MGA: variants seen among roughly 807,000 people sequenced by gnomAD.
MGA encodes MAX dimerization protein MGA, also known as MAX gene-associated protein.
A neutral mutation model predicts 261.1 loss-of-function variants in MGA; 40 were observed. That is an observed-to-expected ratio of 0.15 (90% confidence interval 0.12 to 0.20). MGA has a LOEUF of 0.20. MGA is among the 10% of genes least tolerant of loss of function. MGA has a pLI of 1.00. For missense variants in MGA, 3,397 were observed against 3,630.5 expected (o/e 0.94, Z 1.65); for synonymous variants, 1,302 against 1,290.6 (o/e 1.01, Z -0.19).
upstream of MGA, among the ~76,000 whole-genome samples, chr15:41,658,269 G>A (rs919673593): frequency 2.0e-5 from 3 of 152,152 alleles, no homozygotes; most frequent in African/African-American, 4.8e-5. Context: ...ACTGAAAAAG[G>A]TGGAACTTAG....
At chr15:41,694,293 A>G (rs1453564320) in intron 2 of MGA, among the ~76,000 whole-genome samples, 3 of 151,976 alleles carry the variant, frequency 2.0e-5, no homozygotes, top group East Asian at 3.9e-4. Flanking sequence ...GTGCATGCCT[A>G]TAATCACAGC....
chr15:41,716,834 A>G (rs1237382910), intron 9 of MGA, among the ~76,000 whole-genome samples: 3 of 152,164 alleles, frequency 2.0e-5, no homozygotes, highest in Non-Finnish European at 2.9e-5. Flanking sequence ...TATAGTTAAT[A>G]TATAAAAAAT....
At chr15:41,702,841 A>T (rs1163801549) in intron 5 of MGA, among the ~76,000 whole-genome samples, 1 of 152,212 alleles carries the variant, frequency 6.6e-6, no homozygotes, top group Non-Finnish European at 1.5e-5. Context: ...CTTCATTGCT[A>T]CCAAGTCAAT....
chr15:41,745,225 A>G (rs1013144570), intron 15 of MGA, among the ~76,000 whole-genome samples: 7 of 135,780 alleles, frequency 5.2e-5, no homozygotes, highest in Non-Finnish European at 9.3e-5. Context: ...TCCCTCCACT[A>G]TTGTCCTATG....
At chr15:41,634,113 C>T (rs1216197026) in intron 1 of MGA, among the ~76,000 whole-genome samples, 1 of 152,124 alleles carries the variant, frequency 6.6e-6, no homozygotes, top group Non-Finnish European at 1.5e-5. Context: ...CTCTTCCCTG[C>T]TTTATTTTTT....
chr15:41,763,653 G>C (rs1364908144), intron 22 of MGA, among the ~76,000 whole-genome samples: 1 of 151,988 alleles, frequency 6.6e-6, no homozygotes, highest in Non-Finnish European at 1.5e-5. Flanking sequence ...TGAGGCAGGA[G>C]AATCACTTTA....
chr15:41,721,159 T>C (rs996375554), intron 9 of MGA, among the ~76,000 whole-genome samples: 1 of 152,218 alleles, frequency 6.6e-6, no homozygotes, highest in Non-Finnish European at 1.5e-5. Flanking sequence ...TCAAGCCATT[T>C]GACAACTTTA....
intron 19 of MGA, among the ~76,000 whole-genome samples, chr15:41,759,930 C>T (rs1284027077): frequency 6.6e-6 from 1 of 151,898 alleles, no homozygotes; most frequent in Non-Finnish European, 1.5e-5. Flanking sequence ...GATTTTTTAC[C>T]AGATTGAGGA....
At chr15:41,759,941 G>A (rs910139923) in intron 19 of MGA, among the ~76,000 whole-genome samples, 49 of 151,818 alleles carry the variant, frequency 3.2e-4, no homozygotes, top group African/African-American at 1.1e-3. Flanking sequence ...AGATTGAGGA[G>A]GATCTTACAG....
intron 18 of MGA, among the ~76,000 whole-genome samples, chr15:41,756,980 G>GATAT (rs10649888): frequency 0.038 from 5,638 of 149,676 alleles, 291 homozygotes; most frequent in Admixed American, 0.14. Flanking sequence ...TTTTTGTTTA[G>GATAT]ATATATATAT....
In MGA at chr15:41,764,906, A is replaced by G; in HGVS notation, c.7765A>G (p.Thr2589Ala). 1 of 1,613,772 alleles carries G rather than the reference A, an allele frequency of 6.2e-7. No homozygotes were observed. The highest frequency in any genetic ancestry group is 8.5e-7 in the Non-Finnish European group (1 of 1,179,830). Residue 2589 changes from threonine (T) to alanine (A), a missense_variant, in exon 23 of 24, where the codon ACT becomes GCT. Coordinates refer to ENST00000219905, the MANE Select transcript of MGA (RefSeq NM_001164273.2). ...TACAGAAAATACCTCACCCTTGAACACTCCACACACCTCTGCCAACCTTGT... is the reference window on the plus strand; with the variant it reads ...TACAGAAAATACCTCACCCTTGAACGCTCCACACACCTCTGCCAACCTTGT...
intron 19 of MGA, among the ~76,000 whole-genome samples, chr15:41,758,560 T>C (rs1356620860): frequency 1.3e-5 from 2 of 152,220 alleles, no homozygotes; most frequent in African/African-American, 4.8e-5. Context: ...TAAAAATTTA[T>C]TCTGAAGCAT....
chr15:41,728,300 C>CA (rs1174960296), intron 10 of MGA, among the ~76,000 whole-genome samples: 2 of 152,120 alleles, frequency 1.3e-5, no homozygotes, highest in Non-Finnish European at 2.9e-5. Context: ...CACTGCATTC[C>CA]AGCCTGGATG....
At chr15:41,675,524 C>G (rs528640639) in intron 2 of MGA, among the ~76,000 whole-genome samples, 9 of 152,030 alleles carry the variant, frequency 5.9e-5, no homozygotes, top group South Asian at 2.1e-4. Context: ...CAGGCATGCA[C>G]CACCACGCCC....
At position 41,702,402 on chromosome 15, in the gene MGA, A is replaced by C. The variant is rs571620278; in HGVS notation, c.2188+3243A>C. 1.1e-4 allele frequency among the ~76,000 whole-genome samples: 16 copies of C among 152,052 alleles called. No individual in the cohort carries two copies. The South Asian group carries it at 3.3e-3, about 32-fold the overall frequency. On this transcript the variant is annotated intron_variant, in intron 5 of 23. Transcript: ENST00000219905. ...GCTAAATATTTGTATTAACTGGGTG[A>C]TGCCAATCCCAGGGCTCTGAAGAGA...
intron 2 of MGA, among the ~76,000 whole-genome samples, chr15:41,672,314 T>C (rs767047447): frequency 1.3e-5 from 2 of 152,148 alleles, no homozygotes; most frequent in Non-Finnish European, 2.9e-5. Flanking sequence ...CCACCATCCC[T>C]GGCTAATTTT....
intron 1 of MGA, among the ~76,000 whole-genome samples, chr15:41,626,541 G>C (rs2140934686): frequency 6.6e-6 from 1 of 152,070 alleles, no homozygotes; most frequent in East Asian, 1.9e-4. Flanking sequence ...TCCTGCCTCA[G>C]CCTCCTGAGT....
chr15:41,629,105 CAAAAAAAAAAAA>C (rs71108108), intron 1 of MGA, among the ~76,000 whole-genome samples: 1 of 78,078 alleles, frequency 1.3e-5, no homozygotes, highest in Non-Finnish European at 2.5e-5. Flanking sequence ...GACTTCGTCT[CAAAAAAAAAAAA>C]AAAAAAAAAG....
chr15:41,641,812 T>C (rs1310752801), intron 1 of MGA, among the ~76,000 whole-genome samples: 2 of 151,974 alleles, frequency 1.3e-5, no homozygotes, highest in Admixed American at 6.6e-5. Context: ...TCTATTTTGT[T>C]TTGAGACTGG....
Sources: gnomAD v4.1 joint callset for allele counts (sites outside exome capture counted in the v4.1 genomes callset) on GRCh38, gnomAD v4.1.1 for gene constraint, MANE v1.5 for transcripts, NCBI Gene and HGNC (gene_info 2026-07-23, HGNC 2026-07-21) for gene names.